The following STK11 variants were observed in gnomAD, a reference collection of about 807,000 sequenced individuals.
STK11 encodes the protein serine/threonine-protein kinase STK11.
In STK11, 8 loss-of-function variants were observed where a neutral mutation model predicts 47.3. The observed-to-expected ratio is 0.17, with a 90% confidence interval of 0.10 to 0.31. STK11 has a LOEUF of 0.31. Ranked by LOEUF, STK11 falls within the 10% of genes least tolerant of loss-of-function variation. The pLI, the probability that STK11 is intolerant of heterozygous loss-of-function variation, is 1.00. For synonymous variants in STK11, 330 were observed against 255.8 expected, an observed-to-expected ratio of 1.29 and a Z score of -2.77; for missense variants, 475 against 605.0, an observed-to-expected ratio of 0.79 and a Z score of 2.25.
intron 7 of STK11, 33 bp downstream of exon 7, chr19:1,222,039 C>A (rs1050516514): frequency 6.4e-7 from 1 of 1,554,786 alleles, no homozygotes; most frequent in Non-Finnish European, 8.7e-7. Flanking sequence ...GGGGCCGAGG[C>A]TGCAGGGAGG....
At chr19:1,213,340 A>G (rs1172149299) in intron 1 of STK11, among the ~76,000 whole-genome samples, 2 of 152,120 alleles carry the variant, frequency 1.3e-5, no homozygotes, top group Non-Finnish European at 2.9e-5. Flanking sequence ...CATATAGTAC[A>G]TTGACAGAGT....
At chr19:1,226,403 C>T in intron 8 of STK11, 51 bp from the exon 9 acceptor site, 1 of 1,584,822 alleles carries the variant, frequency 6.3e-7, no homozygotes, top group Non-Finnish European at 8.6e-7. Context: ...GTCCCTGTGG[C>T]TCTGGGGTTG....
intron 1 of STK11, among the ~76,000 whole-genome samples, chr19:1,208,666 G>A (rs1449783200): frequency 8.0e-6 from 1 of 124,946 alleles, no homozygotes. Flanking sequence ...TGCTCAGGCT[G>A]GAGTGCAGTG....
At chr19:1,219,515 CA>C in intron 3 of STK11, 102 bp downstream of exon 3, 2 of 1,251,040 alleles carry the variant, frequency 1.6e-6, no homozygotes, top group Admixed American at 5.4e-5. Flanking sequence ...TATTCATTGA[CA>C]TGAAGGCCCA....
At chr19:1,226,119 C>T (rs1486155684) in intron 8 of STK11, 21 of 1,152,008 alleles carry the variant, frequency 1.8e-5, no homozygotes, top group Middle Eastern at 3.7e-4. Flanking sequence ...CAGGGGAGCA[C>T]GGGAGGGTCC....
At chr19:1,213,755 A>G (rs2080727317) in intron 1 of STK11, among the ~76,000 whole-genome samples, 1 of 152,144 alleles carries the variant, frequency 6.6e-6, no homozygotes, top group Admixed American at 6.5e-5. Flanking sequence ...GCGTCCCTCT[A>G]GAATCCTTGA....
At chr19:1,225,998 C>T (rs2080817749) in intron 8 of STK11, 1 of 1,007,624 alleles carries the variant, frequency 9.9e-7, no homozygotes, top group Admixed American at 5.8e-5. Context: ...TCTGTGCTGG[C>T]ATTTCGCGTG....
At chr19:1,209,075 G>A (rs562538610) in intron 1 of STK11, among the ~76,000 whole-genome samples, 3 of 152,168 alleles carry the variant, frequency 2.0e-5, no homozygotes, top group African/African-American at 7.2e-5. Flanking sequence ...TCAGTGCCCA[G>A]TCTGGACCCG....
chr19:1,213,587 T>C (rs1366258173), intron 1 of STK11, among the ~76,000 whole-genome samples: 1 of 152,240 alleles, frequency 6.6e-6, no homozygotes, highest in Non-Finnish European at 1.5e-5. Context: ...ATCCGCGCCG[T>C]GGCCTGGGTC....
rs535975204 is a variant in STK11, at chr19:1,227,941, C to A, written c.*365C>A. 3.7e-6 allele frequency: 4 copies of A among 1,070,146 alleles called. No individual in the cohort carries two copies. The highest frequency in any genetic ancestry group is 4.5e-6 in the Non-Finnish European group (4 of 882,292). The allele number at this position is 1,070,146 out of a possible 1,614,324, so 66.3% of individuals were successfully genotyped here. A position where few individuals can be genotyped will look rare whatever the true frequency, so the allele number is the denominator to read the frequency against. On this transcript the variant is annotated 3_prime_UTR_variant, in exon 10 of 10. Transcript: ENST00000326873. The stretch of plus-strand genomic sequence containing the variant: ...GCCCAGCGCCGTCCGGCGGCCCCGC[C>A]GCAGACCAGCTGGCGGGTGTGGAGA...
Position 1,226,078 on chromosome 19 carries a change from C to T in STK11, c.1109-376C>T, listed in dbSNP as rs764264650. The T allele has an allele frequency of 4.0e-4, 431 of 1,071,800 alleles. 1 individual carries two copies. Among genetic ancestry groups the T allele is most frequent in the Non-Finnish European group, 3.7e-4 (323 of 882,996 alleles). The allele number at this position is 1,071,800 out of a possible 1,614,324, so 66.4% of individuals were successfully genotyped here. A position where few individuals can be genotyped will look rare whatever the true frequency, so the allele number is the denominator to read the frequency against. ...AGATGAGCATGTGGCGGCTCCTGGGCCTCTAGAACCAACCATGGGCCAGGG... is the reference window on the plus strand; with the variant it reads ...AGATGAGCATGTGGCGGCTCCTGGGTCTCTAGAACCAACCATGGGCCAGGG... On this transcript the variant is annotated intron_variant, in intron 8 of 9. Transcript: ENST00000326873.
chr19:1,206,556 G>A lies in STK11; in HGVS notation c.-358G>A. The A allele has an allele frequency of 2.6e-6, 1 of 390,404 alleles. No homozygotes were observed. The allele number at this position is 390,404 out of a possible 1,614,324, so 24.2% of individuals were successfully genotyped here. Reference sequence around the variant, plus strand: ...GGTCCCCGGAGGATGACCTAGCACTGAAAAGCCCCGGCCGGCCTCCCCAGG... The same window carrying A: ...GGTCCCCGGAGGATGACCTAGCACTAAAAAGCCCCGGCCGGCCTCCCCAGG... On this transcript the variant is annotated 5_prime_UTR_variant, in exon 1 of 10. Coordinates refer to ENST00000326873, the MANE Select transcript of STK11 (RefSeq NM_000455.5).
At chr19:1,226,218 C>T (rs559179387) in intron 8 of STK11, 23 of 1,372,184 alleles carry the variant, frequency 1.7e-5, no homozygotes, top group Admixed American at 1.6e-4. Flanking sequence ...GTGCAACAGA[C>T]GTGGTGGAGG....
In STK11 at chr19:1,224,980, C is replaced by T. The variant is rs558882294; in HGVS notation, c.1109-1474C>T. On this transcript the variant is annotated intron_variant, in intron 8 of 9. Coordinates refer to ENST00000326873, the MANE Select transcript of STK11 (RefSeq NM_000455.5). ...CGCCCTCGGGTCAGGCCATCCTCTG[C>T]GCTCTGCCGGGGCTGCTGCATCGGC... 143 of 985,622 alleles carry T rather than the reference C, an allele frequency of 1.5e-4. 3 individuals are homozygous for T. The East Asian group carries it at 2.6e-3, about 18-fold the overall frequency. The allele number at this position is 985,622 out of a possible 1,614,324, so 61.1% of individuals were successfully genotyped here.
In STK11 at chr19:1,218,293, C is replaced by G; in HGVS notation, c.291-124C>G. On this transcript the variant is annotated intron_variant, in intron 1 of 9. Transcript: ENST00000326873. ...TTCCCACAGCACTGTGAACTCACAGCTTCTCTCTAGGGAAGGGAGGAGGTA... is the reference window on the plus strand; with the variant it reads ...TTCCCACAGCACTGTGAACTCACAGGTTCTCTCTAGGGAAGGGAGGAGGTA... 7.4e-6 allele frequency: 6 copies of G among 811,616 alleles called. No individual in the cohort carries two copies. The South Asian group carries it at 9.1e-5, about 12-fold the overall frequency. The allele number at this position is 811,616 out of a possible 1,614,324, so 50.3% of individuals were successfully genotyped here. A position where few individuals can be genotyped will look rare whatever the true frequency, so the allele number is the denominator to read the frequency against.
intron 1 of STK11, among the ~76,000 whole-genome samples, chr19:1,210,002 G>A (rs58242302): frequency 1.3e-5 from 2 of 152,194 alleles, no homozygotes; most frequent in Non-Finnish European, 2.9e-5. Context: ...CTGGCCCTGA[G>A]TGTGTAACGG....
rs1407132459 is a variant in STK11 at position 1,219,544 on chromosome 19, GTTT to G, written c.464+136_464+138del. On this transcript the variant is annotated intron_variant, in intron 3 of 9. Transcript: ENST00000326873. ...AAGGCCCAAGTTTTTTTGTTTTTTT[GTTT>G]TTTTGTGTTTTTTTTCGAGATGGAG... The G allele has an allele frequency of 8.4e-6, 8 of 948,140 alleles. No individual in the cohort carries two copies. In the East Asian group the frequency reaches 1.9e-4, roughly 22 times the overall value. The allele number at this position is 948,140 out of a possible 1,614,324, so 58.7% of individuals were successfully genotyped here. A position where few individuals can be genotyped will look rare whatever the true frequency, so the allele number is the denominator to read the frequency against.
At chr19:1,211,119 AC>A (rs1326293520) in intron 1 of STK11, among the ~76,000 whole-genome samples, 3 of 151,924 alleles carry the variant, frequency 2.0e-5, no homozygotes, top group African/African-American at 4.8e-5. Context: ...TACTACAAAT[AC>A]AAAAATTAGC....
chr19:1,207,280 C>CTT lies in STK11; in HGVS notation c.290+77_290+78insTT. On this transcript the variant is annotated intron_variant, in intron 1 of 9. Coordinates refer to ENST00000326873, the MANE Select transcript of STK11 (RefSeq NM_000455.5). The stretch of plus-strand genomic sequence containing the variant: ...ATGGTTCTGTCTTCCTTCCTTCTCT[C>CTT]CTCCCTCCCTCCCTTACTTCCTCTT... 3 of 1,484,016 alleles carry CTT rather than the reference C, an allele frequency of 2.0e-6. 1 individual carries two copies. Among genetic ancestry groups the CTT allele is most frequent in the South Asian group, 2.6e-5 (2 of 75,556 alleles). 91.9% of individuals were successfully genotyped at this position (1,484,016 alleles called of 1,614,324 possible).
Sources: allele counts gnomAD v4.1 joint callset (sites outside exome capture counted in the v4.1 genomes callset), GRCh38; gene constraint gnomAD v4.1.1; transcripts MANE v1.5; gene names NCBI Gene and HGNC (gene_info 2026-07-23, HGNC 2026-07-21).